The following MSRA variants were observed in gnomAD, a reference collection of about 807,000 sequenced individuals.
The protein encoded by MSRA is mitochondrial peptide methionine sulfoxide reductase.
Under a neutral mutation model 31.3 loss-of-function variants are expected in MSRA, and 54 were observed. The ratio of observed to expected loss-of-function variants is 1.73; its 90% confidence interval spans 1.39 to 2.17. MSRA has a LOEUF of 2.17. Among genes scored for constraint, MSRA ranks in the 30% most tolerant of loss-of-function variants. MSRA has a pLI of 0.00. For missense variants in MSRA, 507 were observed against 300.9 expected, an observed-to-expected ratio of 1.69 and a Z score of -5.07; for synonymous variants, 169 against 116.5, an observed-to-expected ratio of 1.45 and a Z score of -2.90.
At chr8:10,376,633 A>G (rs947140928) in intron 5 of MSRA, among the ~76,000 whole-genome samples, 1 of 152,238 alleles carries the variant, frequency 6.6e-6, no homozygotes, top group Non-Finnish European at 1.5e-5. Flanking sequence ...AGTAGCCTCT[A>G]TTAAGCATGT....
At chr8:10,216,167 A>T (rs994617942) in intron 2 of MSRA, among the ~76,000 whole-genome samples, 3 of 152,154 alleles carry the variant, frequency 2.0e-5, no homozygotes, top group Non-Finnish European at 4.4e-5. Context: ...TTATCTTGGG[A>T]CTTGTTATAA....
intron 5 of MSRA, among the ~76,000 whole-genome samples, chr8:10,401,422 G>T (rs4314693): frequency 0.41 from 62,277 of 152,110 alleles, 15,029 homozygotes; most frequent in Non-Finnish European, 0.55. Context: ...AATAAGTGTT[G>T]GTGAGGATGT....
intron 5 of MSRA, among the ~76,000 whole-genome samples, chr8:10,379,880 A>C (rs538489765): frequency 1.2e-4 from 18 of 152,220 alleles, no homozygotes; most frequent in Non-Finnish European, 1.9e-4. Flanking sequence ...AACTATGTTC[A>C]TCATTATTGG....
intron 5 of MSRA, among the ~76,000 whole-genome samples, chr8:10,322,909 G>C (rs1802131167): frequency 6.6e-6 from 1 of 152,242 alleles, no homozygotes; most frequent in East Asian, 1.9e-4. Context: ...GACTAACATG[G>C]TGAAACTCGG....
At chr8:10,164,437 C>T (rs1180769522) in intron 1 of MSRA, among the ~76,000 whole-genome samples, 2 of 152,258 alleles carry the variant, frequency 1.3e-5, no homozygotes, top group Middle Eastern at 3.4e-3. Context: ...GAATGGCCCT[C>T]GTTAGCTTCC....
chr8:10,260,563 C>G (rs1012958186), intron 3 of MSRA, among the ~76,000 whole-genome samples: 1 of 152,190 alleles, frequency 6.6e-6, no homozygotes, highest in East Asian at 1.9e-4. Context: ...CATAAATTGG[C>G]TACCCAGGGA....
At chr8:10,399,106 T>G (rs778798389) in intron 5 of MSRA, among the ~76,000 whole-genome samples, 1 of 152,220 alleles carries the variant, frequency 6.6e-6, no homozygotes, top group Non-Finnish European at 1.5e-5. Context: ...GCTGCAAAAC[T>G]TTAAAGATGG....
chr8:10,123,723 A>G (rs1445921081), intron 1 of MSRA, among the ~76,000 whole-genome samples: 1 of 152,094 alleles, frequency 6.6e-6, no homozygotes, highest in African/African-American at 2.4e-5. Context: ...GTGGTTAGCC[A>G]GTTATCCCGG....
intron 3 of MSRA, among the ~76,000 whole-genome samples, chr8:10,291,082 A>G (rs1259925240): frequency 6.6e-6 from 1 of 152,198 alleles, no homozygotes; most frequent in South Asian, 2.1e-4. Flanking sequence ...CTAGTTACCT[A>G]CTTCTACGTA....
At chr8:10,158,581 A>G (rs1804372382) in intron 1 of MSRA, among the ~76,000 whole-genome samples, 1 of 152,258 alleles carries the variant, frequency 6.6e-6, no homozygotes, top group South Asian at 2.1e-4. Flanking sequence ...CTTCCATTGC[A>G]TGGATGTATC....
chr8:10,151,841 T>C (rs1789569557), intron 1 of MSRA, among the ~76,000 whole-genome samples: 1 of 152,212 alleles, frequency 6.6e-6, no homozygotes, highest in Non-Finnish European at 1.5e-5. Flanking sequence ...GAGAAGGCCA[T>C]GTCTCCACCC....
intron 1 of MSRA, among the ~76,000 whole-genome samples, chr8:10,078,613 C>T (rs554516468): frequency 4.6e-5 from 7 of 152,362 alleles, no homozygotes; most frequent in East Asian, 3.9e-4. Context: ...GCAGCTGCCA[C>T]GGTGCTGCAC....
In MSRA at chr8:10,301,555, T is replaced by G. The variant is rs1212765026; in HGVS notation, c.353T>G (p.Val118Gly). Residue 118 changes from valine to glycine, a missense_variant, in exon 4 of 6, where the codon GTC becomes GGC. Transcript: ENST00000317173. ...CAAGAAAAAACTGGCCATGCAGAAG[T>G]CGTCCGAGTGGTGTACCAGCCAGAA... ...VCSEKTGHAE[V>G]VRVVYQPEHM... 1 of 1,613,630 alleles carries G rather than the reference T, an allele frequency of 6.2e-7. No homozygotes were observed. Among genetic ancestry groups the G allele is most frequent in the East Asian group, 2.2e-5 (1 of 44,880 alleles).
At chr8:10,267,458 A>T (rs1798805944) in intron 3 of MSRA, among the ~76,000 whole-genome samples, 1 of 152,268 alleles carries the variant, frequency 6.6e-6, no homozygotes, top group Non-Finnish European at 1.5e-5. Context: ...CCTTATAATT[A>T]TTCCAGGAGT....
intron 2 of MSRA, among the ~76,000 whole-genome samples, chr8:10,213,905 C>G (rs538812998): frequency 2.0e-5 from 3 of 152,204 alleles, no homozygotes; most frequent in South Asian, 2.1e-4. Flanking sequence ...CACGTCCAGG[C>G]TTTTTGGTGA....
intron 3 of MSRA, among the ~76,000 whole-genome samples, chr8:10,253,691 A>T (rs963630933): frequency 1.4e-4 from 22 of 152,138 alleles, no homozygotes; most frequent in Non-Finnish European, 3.1e-4. Context: ...GCCCACACTG[A>T]TGTTTTCAAA....
At chr8:10,216,324 G>A (rs1260697663) in intron 2 of MSRA, among the ~76,000 whole-genome samples, 2 of 152,166 alleles carry the variant, frequency 1.3e-5, no homozygotes, top group Non-Finnish European at 2.9e-5. Context: ...TATAAAACTT[G>A]CTCATAAATT....
At chr8:10,205,744 T>A (rs1035524779) in intron 1 of MSRA, among the ~76,000 whole-genome samples, 3 of 152,254 alleles carry the variant, frequency 2.0e-5, no homozygotes, top group African/African-American at 4.8e-5. Flanking sequence ...GTTTTCATTT[T>A]TATGTTCTTC....
chr8:10,269,559 A>T (rs1382824908), intron 3 of MSRA, among the ~76,000 whole-genome samples: 1 of 152,240 alleles, frequency 6.6e-6, no homozygotes, highest in Non-Finnish European at 1.5e-5. Flanking sequence ...CAGAGTGTCA[A>T]ATGCGTGGGA....
Sources: gnomAD v4.1 joint callset for allele counts (sites outside exome capture counted in the v4.1 genomes callset) on GRCh38, gnomAD v4.1.1 for gene constraint, MANE v1.5 for transcripts, NCBI Gene and HGNC (gene_info 2026-07-23, HGNC 2026-07-21) for gene names.